The following CD4 variants were observed in gnomAD, a reference collection of about 807,000 sequenced individuals.
CD4 encodes the protein T-cell surface glycoprotein CD4.
CD4 carries 25 observed loss-of-function variants against 50.5 expected under a neutral mutation model. The observed-to-expected ratio is 0.49, with a 90% confidence interval of 0.36 to 0.69. The LOEUF (loss-of-function observed/expected upper bound fraction) is 0.69, where lower values mean the gene tolerates loss of function less well. Ranked by LOEUF, CD4 falls within the 30% of genes least tolerant of loss-of-function variation. The pLI is 0.00. For missense variants in CD4, 456 were observed against 548.5 expected (o/e 0.83, Z 1.68); for synonymous variants, 207 against 221.9 (o/e 0.93, Z 0.60).
chr12:6,803,177 G>A (rs1386700671), intron 3 of CD4, among the ~76,000 whole-genome samples: 1 of 152,022 alleles, frequency 6.6e-6, no homozygotes, highest in Non-Finnish European at 1.5e-5. Flanking sequence ...TTGAGACAGA[G>A]TCTCATTTGG....
chr12:6,794,897 C>G (rs1277903961), intron 1 of CD4, among the ~76,000 whole-genome samples: 2 of 150,678 alleles, frequency 1.3e-5, no homozygotes, highest in Non-Finnish European at 2.9e-5. Flanking sequence ...AAGCGATTCT[C>G]CTGCCTCAAT....
At chr12:6,793,986 CT>C (rs1455657908) in intron 1 of CD4, among the ~76,000 whole-genome samples, 27 of 151,356 alleles carry the variant, frequency 1.8e-4, no homozygotes, top group African/African-American at 6.6e-4. Flanking sequence ...ATCTATCTAT[CT>C]ATCTATCTAT....
chr12:6,795,098 C>CTCTATCTATCTATCTATCTA (rs10667545), intron 1 of CD4, among the ~76,000 whole-genome samples: 117 of 147,216 alleles, frequency 7.9e-4, no homozygotes, highest in South Asian at 1.1e-3. Context: ...AAATGTCTGT[C>CTCTATCTATCTATCTATCTA]TCTATCTATC....
intron 3 of CD4, among the ~76,000 whole-genome samples, chr12:6,807,637 G>A (rs782804926): frequency 1.4e-4 from 22 of 152,270 alleles, no homozygotes; most frequent in Admixed American, 1.4e-3. Flanking sequence ...TCTGTATTCT[G>A]ATTGTGTCAA....
chr12:6,802,679 A>G lies in CD4; in HGVS notation c.214+2208A>G, dbSNP rs1942599931. The stretch of plus-strand genomic sequence containing the variant: ...TTACGTAAATGATATCATACTGTAT[A>G]TACCTTTTTTCCTACTCCTTCCTTA... On this transcript the variant is annotated intron_variant, in intron 3 of 9. Coordinates refer to ENST00000011653, the MANE Select transcript of CD4 (RefSeq NM_000616.5). Among the ~76,000 whole-genome samples, 7 of 152,294 alleles carry G rather than the reference A, an allele frequency of 4.6e-5. No homozygotes were observed. The South Asian group carries it at 1.2e-3, about 27-fold the overall frequency.
rs1942247823 is a variant in CD4, at chr12:6,793,677, TA to T, written c.-68+4016del. On this transcript the variant is annotated intron_variant, in intron 1 of 9. Transcript: ENST00000011653. ...CTATCTATCTATCTATCTATCTATC[TA>T]TCTATCTATCTATCTATCTATCTAT... Among the ~76,000 whole-genome samples the T allele has an allele frequency of 1.5e-4, 14 of 96,490 alleles. No homozygotes were observed. The South Asian group carries it at 4.1e-3, about 28-fold the overall frequency. The allele number at this position is 96,490 out of a possible 152,430, so 63.3% of individuals were successfully genotyped here. A position where few individuals can be genotyped will look rare whatever the true frequency, so the allele number is the denominator to read the frequency against.
Position 6,792,134 on chromosome 12 carries a change from C to T in CD4, c.-68+2472C>T, listed in dbSNP as rs1295841881. Among the ~76,000 whole-genome samples the T allele has an allele frequency of 3.3e-5, 5 of 152,104 alleles. No individual in the cohort carries two copies. The highest frequency in any genetic ancestry group is 5.9e-5 in the Non-Finnish European group (4 of 68,016). On this transcript the variant is annotated intron_variant, in intron 1 of 9. Coordinates refer to ENST00000011653, the MANE Select transcript of CD4 (RefSeq NM_000616.5). This position sits in a 1 kb window ranked among gnomAD's most constrained non-coding sequence, Gnocchi z 4.1. ...GCTAGTCAGCAGTAGAGAGGGTGAA[C>T]GCGGTGGGGCACATCCCGCGGCTGG...
At position 6,818,339 on chromosome 12, in the gene CD4, C is replaced by A; in HGVS notation, c.1157-82C>A. The stretch of plus-strand genomic sequence containing the variant: ...ACCCCAGGGTCAAACCAGAGACTGG[C>A]CAGGAGGGATTGCAGGGCAGTCCTC... On this transcript the variant is annotated intron_variant, in intron 7 of 9. Coordinates refer to ENST00000011653, the MANE Select transcript of CD4 (RefSeq NM_000616.5). This position sits in a 1 kb window ranked among gnomAD's most constrained non-coding sequence, Gnocchi z 5.0. 1.3e-6 allele frequency: 2 copies of A among 1,563,840 alleles called. No homozygotes were observed. The highest frequency in any genetic ancestry group is 1.1e-5 in the South Asian group (1 of 88,338).
chr12:6,814,876 A>AG lies in CD4; in HGVS notation c.498dup (p.Lys167GlufsTer13), dbSNP rs781937995. The AG allele has an allele frequency of 3.1e-6, 5 of 1,613,228 alleles. No individual in the cohort carries two copies. Among genetic ancestry groups the AG allele is most frequent in the Middle Eastern group, 1.7e-4 (1 of 6,046 alleles). On this transcript the variant is annotated frameshift_variant, in exon 5 of 10. Coordinates refer to ENST00000011653, the MANE Select transcript of CD4 (RefSeq NM_000616.5). LOFTEE classifies it high-confidence loss of function. ...AGGAGTCCAAGGGGTAAAAACATACAGGGGGGGAAGACCCTCTCCGTGTCT... is the reference window on the plus strand; with the variant it reads ...AGGAGTCCAAGGGGTAAAAACATACAGGGGGGGGAAGACCCTCTCCGTGTCT...
intron 3 of CD4, among the ~76,000 whole-genome samples, chr12:6,808,175 C>T (rs191121516): frequency 1.6e-4 from 24 of 151,184 alleles, no homozygotes; most frequent in African/African-American, 5.8e-4. Flanking sequence ...TGAAGATTGG[C>T]CAGGCGCAGT....
At chr12:6,793,699 TCTATC>T (rs1565488246) in intron 1 of CD4, among the ~76,000 whole-genome samples, 8,793 of 54,168 alleles carry the variant, frequency 0.16, 352 homozygotes, top group East Asian at 0.34. Flanking sequence ...TATCTATCTA[TCTATC>T]TTTTTTTTTT....
chr12:6,795,650 G>T (rs1461613710), intron 1 of CD4, among the ~76,000 whole-genome samples: 2 of 152,238 alleles, frequency 1.3e-5, no homozygotes, highest in Admixed American at 1.3e-4. Context: ...GGTGTTTCTG[G>T]AACCCAGAGA....
intron 3 of CD4, among the ~76,000 whole-genome samples, chr12:6,806,251 AATATACATCTATACACACACG>A (rs1294643897): frequency 2.0e-5 from 3 of 151,844 alleles, no homozygotes; most frequent in Admixed American, 6.6e-5. Flanking sequence ...ATTTATTGTG[AATATACATCTATACACACACG>A]TGTGTGTACA....
chr12:6,800,736 G>A (rs1335224589), intron 3 of CD4, among the ~76,000 whole-genome samples: 1 of 151,982 alleles, frequency 6.6e-6, no homozygotes, highest in East Asian at 1.9e-4. Context: ...CTTAAAACCC[G>A]TGATTTCTTG....
Position 6,820,094 on chromosome 12 carries a change from G to C in CD4, c.*765G>C, listed in dbSNP as rs1456046826. On this transcript the variant is annotated 3_prime_UTR_variant, in exon 10 of 10. Coordinates refer to ENST00000011653, the MANE Select transcript of CD4 (RefSeq NM_000616.5). ...AGTGCTGGAGTCGGGACTAACCCAGGTCCCTTGTCCCAAGTTCCACTGCTG... is the reference window on the plus strand; with the variant it reads ...AGTGCTGGAGTCGGGACTAACCCAGCTCCCTTGTCCCAAGTTCCACTGCTG... The C allele has an allele frequency of 6.6e-6, 1 of 152,276 alleles. No individual in the cohort carries two copies. The highest frequency in any genetic ancestry group is 1.5e-5 in the Non-Finnish European group (1 of 68,070). 9.4% of individuals were successfully genotyped at this position (152,276 alleles called of 1,614,324 possible). A position where few individuals can be genotyped will look rare whatever the true frequency, so the allele number is the denominator to read the frequency against.
intron 1 of CD4, among the ~76,000 whole-genome samples, chr12:6,795,230 T>A (rs1057468957): frequency 1.3e-5 from 2 of 152,162 alleles, no homozygotes; most frequent in Admixed American, 6.5e-5. Flanking sequence ...ATTTACCTAA[T>A]CTATCAATCT....
rs192260928 is a variant in CD4, at chr12:6,817,691, T to C, written c.1156+361T>C. On this transcript the variant is annotated intron_variant, in intron 7 of 9. Coordinates refer to ENST00000011653, the MANE Select transcript of CD4 (RefSeq NM_000616.5). Reference sequence around the variant, plus strand: ...TCACACACATACACTCTCACACACATGCACACACTCCCATACACTCTCACA... The same window carrying C: ...TCACACACATACACTCTCACACACACGCACACACTCCCATACACTCTCACA... 1.8e-3 allele frequency among the ~76,000 whole-genome samples: 270 copies of C among 151,000 alleles called. 1 individual carries two copies. In the South Asian group the frequency reaches 0.022, roughly 12 times the overall value.
intron 3 of CD4, among the ~76,000 whole-genome samples, chr12:6,802,064 G>GA (rs1942581861): frequency 6.6e-6 from 1 of 150,860 alleles, no homozygotes; most frequent in Non-Finnish European, 1.5e-5. Context: ...AGTAGAGACC[G>GA]GTTTTCATCA....
Position 6,819,645 on chromosome 12 carries a change from T to G in CD4, c.*316T>G. 1 of 391,502 alleles carries G rather than the reference T, an allele frequency of 2.6e-6. No homozygotes were observed. Among genetic ancestry groups the G allele is most frequent in the Admixed American group, 4.1e-5 (1 of 24,146 alleles). The allele number at this position is 391,502 out of a possible 1,614,324, so 24.3% of individuals were successfully genotyped here. ...CCAGGGGAGTGTTCAGGGCCAGCCC[T>G]GGCTGGCATGGAGGGTGAGGCTGGG... On this transcript the variant is annotated 3_prime_UTR_variant, in exon 10 of 10. Transcript: ENST00000011653.
Sources: gnomAD v4.1 joint callset for allele counts (sites outside exome capture counted in the v4.1 genomes callset) on GRCh38, gnomAD v4.1.1 for gene constraint, Gnocchi (gnomAD v3.1) non-coding constraint, MANE v1.5 for transcripts, NCBI Gene and HGNC (gene_info 2026-07-23, HGNC 2026-07-21) for gene names.